The following PARD3B variants were observed in gnomAD, a reference collection of about 807,000 sequenced individuals.
PARD3B encodes the protein partitioning defective 3 homolog B.
A neutral mutation model predicts 130.2 loss-of-function variants in PARD3B; 103 were observed. That is an observed-to-expected ratio of 0.79 (90% CI 0.67 to 0.93). The LOEUF (loss-of-function observed/expected upper bound fraction) is 0.93, where lower values mean the gene tolerates loss of function less well. PARD3B is among the 40% of genes least tolerant of loss of function. The pLI is 0.00. For synonymous variants in PARD3B, 583 were observed against 553.2 expected (o/e 1.05, Z -0.76); for missense variants, 1,609 against 1,499.2 (o/e 1.07, Z -1.21).
chr2:205,274,332 A>G lies in PARD3B; in HGVS notation c.2186-26198A>G, dbSNP rs2040855361. ...ATACTTGAAACTTAGAAAATTTGCA[A>G]GAATAATCAGCTGATTTCATTCCTG... On this transcript the variant is annotated intron_variant, in intron 16 of 22. Coordinates refer to ENST00000406610, the MANE Select transcript of PARD3B (RefSeq NM_001302769.2). The surrounding 1 kb of genome is among the most constrained non-coding windows in gnomAD (Gnocchi z 4.2). 6.6e-6 allele frequency among the ~76,000 whole-genome samples: 1 copy of G among 152,098 alleles called. No individual in the cohort carries two copies. Among genetic ancestry groups the G allele is most frequent in the Admixed American group, 6.5e-5 (1 of 15,272 alleles).
chr2:205,208,602 GT>G (rs1298209597), intron 15 of PARD3B, among the ~76,000 whole-genome samples: 3 of 142,886 alleles, frequency 2.1e-5, no homozygotes, highest in Non-Finnish European at 3.0e-5. Flanking sequence ...CAAATCATGA[GT>G]GAACTCCCAT....
chr2:205,432,708 T>C (rs2047379579), intron 19 of PARD3B, among the ~76,000 whole-genome samples: 1 of 152,130 alleles, frequency 6.6e-6, no homozygotes, highest in Admixed American at 6.5e-5. Flanking sequence ...ATTTTGTACC[T>C]TGGTCATACT....
chr2:205,046,860 G>A lies in PARD3B; in HGVS notation c.395-721G>A, dbSNP rs911632438. 1.1e-4 allele frequency among the ~76,000 whole-genome samples: 17 copies of A among 152,258 alleles called. No individual in the cohort carries two copies. The East Asian group carries it at 1.4e-3, about 12-fold the overall frequency. On this transcript the variant is annotated intron_variant, in intron 3 of 22. Coordinates refer to ENST00000406610, the MANE Select transcript of PARD3B (RefSeq NM_001302769.2). The stretch of plus-strand genomic sequence containing the variant: ...TTTTAGGCCTAATTGCAGTCAGAGC[G>A]GTTAGGCCGCTGGCTCTGCTAAGGT...
chr2:205,159,908 G>A (rs541562090), intron 11 of PARD3B, among the ~76,000 whole-genome samples: 1 of 152,322 alleles, frequency 6.6e-6, no homozygotes, highest in East Asian at 1.9e-4. Flanking sequence ...TTAGCACAGT[G>A]CCTGTCACCA....
chr2:204,786,988 G>A (rs888526959), intron 2 of PARD3B, among the ~76,000 whole-genome samples: 4 of 151,972 alleles, frequency 2.6e-5, no homozygotes, highest in African/African-American at 9.7e-5. Context: ...TCAATGTTTT[G>A]TTTCTTTAGA....
At chr2:204,824,543 C>T (rs570228425) in intron 2 of PARD3B, among the ~76,000 whole-genome samples, 10 of 152,202 alleles carry the variant, frequency 6.6e-5, no homozygotes, top group East Asian at 3.9e-4. Flanking sequence ...CATATGCTTC[C>T]GGACTGGCAC....
intron 13 of PARD3B, among the ~76,000 whole-genome samples, chr2:205,180,585 C>CA (rs1159147426): frequency 3.5e-5 from 5 of 143,682 alleles, no homozygotes; most frequent in Non-Finnish European, 7.7e-5. Flanking sequence ...AAAACATTGG[C>CA]TTTTTTTTTT....
At chr2:204,762,863 C>A (rs139427860) in intron 2 of PARD3B, among the ~76,000 whole-genome samples, 4 of 151,286 alleles carry the variant, frequency 2.6e-5, no homozygotes, top group African/African-American at 9.7e-5. Flanking sequence ...CAGGTTCAAA[C>A]GATTCTCCTG....
intron 2 of PARD3B, among the ~76,000 whole-genome samples, chr2:204,941,053 A>G (rs2125801632): frequency 6.6e-6 from 1 of 152,222 alleles, no homozygotes; most frequent in East Asian, 1.9e-4. Context: ...TTAAAAAACT[A>G]ACATCCTAGT....
intron 2 of PARD3B, among the ~76,000 whole-genome samples, chr2:204,830,102 A>G (rs1259995960): frequency 1.3e-5 from 2 of 150,688 alleles, no homozygotes; most frequent in Non-Finnish European, 2.9e-5. Flanking sequence ...TTGCCTTTCT[A>G]CCATGATTGT....
At chr2:205,159,045 G>T in intron 11 of PARD3B, 138 bp downstream of exon 11, 1 of 877,904 alleles carries the variant, frequency 1.1e-6, no homozygotes. Flanking sequence ...AAATATATGT[G>T]TGAACAGATC....
chr2:205,481,424 A>G (rs1387777804), intron 20 of PARD3B, among the ~76,000 whole-genome samples: 2 of 152,102 alleles, frequency 1.3e-5, no homozygotes, highest in Non-Finnish European at 2.9e-5. Context: ...TTGGAAGGCT[A>G]ATGTGGGAAT....
intron 2 of PARD3B, among the ~76,000 whole-genome samples, chr2:204,750,293 A>G (rs961522069): frequency 1.3e-5 from 2 of 152,104 alleles, no homozygotes; most frequent in Non-Finnish European, 2.9e-5. Context: ...TAAAATATTC[A>G]TAGTGTTGGC....
chr2:204,964,006 G>T (rs1690980096), intron 2 of PARD3B, among the ~76,000 whole-genome samples: 1 of 152,160 alleles, frequency 6.6e-6, no homozygotes, highest in African/African-American at 2.4e-5. Flanking sequence ...GTTTTGATTG[G>T]TTAACCCTGC....
Position 205,121,184 on chromosome 2 carries a change from C to T in PARD3B, c.807-407C>T, listed in dbSNP as rs959233307. On this transcript the variant is annotated intron_variant, in intron 7 of 22. Coordinates refer to ENST00000406610, the MANE Select transcript of PARD3B (RefSeq NM_001302769.2). This position sits in a 1 kb window ranked among gnomAD's most constrained non-coding sequence, Gnocchi z 5.0. Reference sequence around the variant, plus strand: ...AAGAAACCTAACTAATGATCTGATCCAAAATATCTATTTTGCTTTTTATAT... The same window carrying T: ...AAGAAACCTAACTAATGATCTGATCTAAAATATCTATTTTGCTTTTTATAT... Among the ~76,000 whole-genome samples the T allele has an allele frequency of 1.3e-5, 2 of 152,142 alleles. No homozygotes were observed. Among genetic ancestry groups the T allele is most frequent in the Non-Finnish European group, 2.9e-5 (2 of 68,022 alleles).
intron 15 of PARD3B, among the ~76,000 whole-genome samples, chr2:205,231,850 A>T (rs1167677186): frequency 6.6e-6 from 1 of 152,204 alleles, no homozygotes; most frequent in Non-Finnish European, 1.5e-5. Flanking sequence ...TTCCTTAAGT[A>T]TTGCACAGAG....
intron 3 of PARD3B, among the ~76,000 whole-genome samples, chr2:204,988,787 A>T (rs1308422421): frequency 6.6e-6 from 1 of 152,222 alleles, no homozygotes; most frequent in Non-Finnish European, 1.5e-5. Context: ...ACTGAAAAAG[A>T]GAAATGAGAG....
In PARD3B at chr2:204,678,346, G is replaced by C. The variant is rs2036653225; in HGVS notation, c.121-7835G>C. On this transcript the variant is annotated intron_variant, in intron 1 of 22. Coordinates refer to ENST00000406610, the MANE Select transcript of PARD3B (RefSeq NM_001302769.2). This position sits in a 1 kb window ranked among gnomAD's most constrained non-coding sequence, Gnocchi z 4.2. ...CCTTTTGGTTGTTGCCTTCAACAGAGAGCTAAGCCTTAACCAGCTCAGTGG... is the reference window on the plus strand; with the variant it reads ...CCTTTTGGTTGTTGCCTTCAACAGACAGCTAAGCCTTAACCAGCTCAGTGG... 6.6e-6 allele frequency among the ~76,000 whole-genome samples: 1 copy of C among 152,138 alleles called. No homozygotes were observed. The highest frequency in any genetic ancestry group is 1.5e-5 in the Non-Finnish European group (1 of 68,034).
rs61315722 is a variant in PARD3B, at chr2:204,866,162, T to A, written c.223-98990T>A. On this transcript the variant is annotated intron_variant, in intron 2 of 22. Transcript: ENST00000406610. ...TTATTTCACTGTTTTTGATTGGTCA[T>A]TACTCATATCCAGTGGAGAAAGAAT... Among the ~76,000 whole-genome samples the A allele has an allele frequency of 8.2e-3, 1,249 of 152,288 alleles. 10 individuals are homozygous for A. The highest frequency in any genetic ancestry group is 0.028 in the African/African-American group (1,152 of 41,558).
Sources: allele counts gnomAD v4.1 joint callset (sites outside exome capture counted in the v4.1 genomes callset), GRCh38; gene constraint gnomAD v4.1.1; non-coding constraint Gnocchi (gnomAD v3.1); transcripts MANE v1.5; gene names NCBI Gene and HGNC (gene_info 2026-07-23, HGNC 2026-07-21).